Variants in RGS9 observed in about 807,000 individuals in gnomAD.
RGS9 encodes the protein regulator of G-protein signalling 9.
A neutral mutation model predicts 102.0 loss-of-function variants in RGS9; 78 were observed. The ratio of observed to expected loss-of-function variants is 0.76; its 90% CI spans 0.64 to 0.92. The LOEUF (loss-of-function observed/expected upper bound fraction) is 0.92, where lower values mean the gene tolerates loss of function less well. Among genes scored for constraint, RGS9 ranks in the 40% least tolerant of loss-of-function variants. The probability of loss-of-function intolerance (pLI) is 0.00; values close to 1 mark genes in which losing one functional copy is unlikely to be tolerated. For missense variants in RGS9, 833 were observed against 866.1 expected, an observed-to-expected ratio of 0.96 and a Z score of 0.48; for synonymous variants, 353 against 318.6, an observed-to-expected ratio of 1.11 and a Z score of -1.15.
intron 17 of RGS9, among the ~76,000 whole-genome samples, chr17:65,214,212 C>T (rs1039015632): frequency 6.6e-6 from 1 of 152,238 alleles, no homozygotes; most frequent in African/African-American, 2.4e-5. Context: ...ATGCACCAAC[C>T]TCAGCCTCCC....
rs1912254795 is a variant in RGS9, at chr17:65,189,151, G to C, written c.655-135G>C. On this transcript the variant is annotated intron_variant, in intron 9 of 18. Transcript: ENST00000262406. The stretch of plus-strand genomic sequence containing the variant: ...GAATAGAGTGGAGGCAGTAGACATG[G>C]AGAAATCCTATCTTTTAAGAAAGAA... 9 of 722,108 alleles carry C rather than the reference G, an allele frequency of 1.2e-5. No individual in the cohort carries two copies. The Admixed American group carries it at 1.9e-4, about 15-fold the overall frequency. The allele number at this position is 722,108 out of a possible 1,614,324, so 44.7% of individuals were successfully genotyped here. A position where few individuals can be genotyped will look rare whatever the true frequency, so the allele number is the denominator to read the frequency against.
At chr17:65,195,652 C>T (rs1010176582) in intron 12 of RGS9, among the ~76,000 whole-genome samples, 3 of 152,048 alleles carry the variant, frequency 2.0e-5, no homozygotes, top group Admixed American at 6.6e-5. Flanking sequence ...CACATGAAAG[C>T]GGGAAGTCTT....
rs1177809078 is a variant in RGS9, at chr17:65,190,162, G to A, written c.685-13G>A. On this transcript the variant is annotated splice_polypyrimidine_tract_variant and intron_variant, in intron 10 of 18. Coordinates refer to ENST00000262406, the MANE Select transcript of RGS9 (RefSeq NM_003835.4). ...GGGGGTTGAATACCTTCTAACAACT[G>A]TGTCTCTTCCAGATCATGTATTACC... 6.2e-7 allele frequency: 1 copy of A among 1,609,212 alleles called. No individual in the cohort carries two copies. The highest frequency in any genetic ancestry group is 8.5e-7 in the Non-Finnish European group (1 of 1,175,646).
chr17:65,156,455 G>A (rs1299758242), intron 2 of RGS9, among the ~76,000 whole-genome samples: 1 of 152,240 alleles, frequency 6.6e-6, no homozygotes, highest in Non-Finnish European at 1.5e-5. Context: ...TCCTGCACAG[G>A]TGAATTCCAG....
At chr17:65,209,657 A>G (rs1913211882) in intron 16 of RGS9, among the ~76,000 whole-genome samples, 1 of 152,216 alleles carries the variant, frequency 6.6e-6, no homozygotes. Flanking sequence ...AAGATATTGC[A>G]CATGAGCAGG....
intron 8 of RGS9, 62 bp from the exon 9 acceptor site, chr17:65,177,670 C>G: frequency 1.3e-6 from 2 of 1,482,874 alleles, no homozygotes; most frequent in Non-Finnish European, 1.9e-6. Context: ...CCAAGACCCA[C>G]AGTTAACCAG....
At chr17:65,195,552 T>C (rs1260164884) in intron 12 of RGS9, among the ~76,000 whole-genome samples, 4 of 152,116 alleles carry the variant, frequency 2.6e-5, no homozygotes, top group African/African-American at 7.2e-5. Flanking sequence ...TTTTTAGTCT[T>C]ATATCCCTCA....
At chr17:65,160,701 C>T (rs1187188884) in intron 5 of RGS9, 114 bp downstream of exon 5, 5 of 1,402,962 alleles carry the variant, frequency 3.6e-6, no homozygotes, top group Non-Finnish European at 5.0e-6. Context: ...TGTCAGTCCA[C>T]ATCTGTACTG....
Position 65,214,665 on chromosome 17 carries a change from C to T in RGS9, c.1407+4060C>T, listed in dbSNP as rs548399103. 7.2e-5 allele frequency among the ~76,000 whole-genome samples: 11 copies of T among 152,310 alleles called. No individual in the cohort carries two copies. The East Asian group carries it at 2.1e-3, about 29-fold the overall frequency. On this transcript the variant is annotated intron_variant, in intron 17 of 18. Coordinates refer to ENST00000262406, the MANE Select transcript of RGS9 (RefSeq NM_003835.4). ...GCTTATTGGGTCAGGAAAAGGTGCT[C>T]CCTCCAAGTAGGTGTCCTTATAACA...
intron 17 of RGS9, among the ~76,000 whole-genome samples, chr17:65,211,005 T>C (rs773673025): frequency 1.4e-4 from 22 of 152,038 alleles, no homozygotes; most frequent in Admixed American, 5.9e-4. Flanking sequence ...GTGAGAGCCA[T>C]AGGGAAAAGT....
At position 65,223,790 on chromosome 17, in the gene RGS9, A is replaced by G. The variant is rs539922874; in HGVS notation, c.1408-1212A>G. 1.2e-3 allele frequency among the ~76,000 whole-genome samples: 171 copies of G among 143,466 alleles called. 2 individuals carry two copies. The highest frequency in any genetic ancestry group is 1.6e-3 in the Non-Finnish European group (104 of 65,076). 94.1% of individuals were successfully genotyped at this position (143,466 alleles called of 152,430 possible). A position where few individuals can be genotyped will look rare whatever the true frequency, so the allele number is the denominator to read the frequency against. On this transcript the variant is annotated intron_variant, in intron 17 of 18. Coordinates refer to ENST00000262406, the MANE Select transcript of RGS9 (RefSeq NM_003835.4). Reference sequence around the variant, plus strand: ...TTTTAAGATGGAGTTTTGCTCTGTCACCCAGGCTGGAGTGCAGTGACGCGA... The same window carrying G: ...TTTTAAGATGGAGTTTTGCTCTGTCGCCCAGGCTGGAGTGCAGTGACGCGA...
At chr17:65,145,522 G>A (rs984118859) in intron 1 of RGS9, among the ~76,000 whole-genome samples, 3 of 150,614 alleles carry the variant, frequency 2.0e-5, no homozygotes, top group African/African-American at 7.3e-5. Flanking sequence ...TGAGTAGCTG[G>A]GATTGTAGCC....
At chr17:65,168,115 G>A in intron 7 of RGS9, 85 bp from the exon 8 acceptor site, 1 of 843,648 alleles carries the variant, frequency 1.2e-6, no homozygotes, top group Admixed American at 2.0e-5. Context: ...TTGGGAGAGG[G>A]GTCTAGGTCA....
intron 2 of RGS9, among the ~76,000 whole-genome samples, chr17:65,154,199 C>T (rs555983704): frequency 9.2e-4 from 140 of 152,162 alleles, no homozygotes; most frequent in East Asian, 4.5e-3. Context: ...CCCAGCTACT[C>T]GGGAGGCTGA....
At chr17:65,142,877 T>C (rs1390979314) in intron 1 of RGS9, among the ~76,000 whole-genome samples, 1 of 152,122 alleles carries the variant, frequency 6.6e-6, no homozygotes, top group African/African-American at 2.4e-5. Context: ...CCACAAAGCC[T>C]GGCCTGGTTT....
At chr17:65,163,845 A>G (rs984782284) in intron 7 of RGS9, among the ~76,000 whole-genome samples, 20 of 152,212 alleles carry the variant, frequency 1.3e-4, no homozygotes, top group Admixed American at 9.2e-4. Context: ...AAAGTATGGA[A>G]TTAGGAAGAT....
rs988393314 is a variant in RGS9, at chr17:65,160,422, G to A, written c.312+83G>A. 2.1e-5 allele frequency: 32 copies of A among 1,559,472 alleles called. No individual in the cohort carries two copies. In the African/African-American group the frequency reaches 4.1e-4, roughly 20 times the overall value. The stretch of plus-strand genomic sequence containing the variant: ...GGGGTTCATAGTTTCACAGATCAAG[G>A]ACTTCAGAAATGGTGGAGGGGGCCA... On this transcript the variant is annotated intron_variant, in intron 4 of 18. Coordinates refer to ENST00000262406, the MANE Select transcript of RGS9 (RefSeq NM_003835.4).
intron 9 of RGS9, among the ~76,000 whole-genome samples, chr17:65,178,712 C>G (rs571582213): frequency 6.6e-6 from 1 of 152,098 alleles, no homozygotes; most frequent in African/African-American, 2.4e-5. Flanking sequence ...TCTATGTTGC[C>G]CAGGCTGGTC....
intron 1 of RGS9, among the ~76,000 whole-genome samples, chr17:65,152,918 T>C (rs545354396): frequency 2.6e-5 from 4 of 152,210 alleles, no homozygotes; most frequent in Non-Finnish European, 5.9e-5. Flanking sequence ...CACACTTCAG[T>C]GTTCTTCTCT....
Sources: allele counts gnomAD v4.1 joint callset (sites outside exome capture counted in the v4.1 genomes callset), GRCh38; gene constraint gnomAD v4.1.1; transcripts MANE v1.5; gene names NCBI Gene and HGNC (gene_info 2026-07-23, HGNC 2026-07-21).